The following COG5 variants were observed in gnomAD, a reference collection of about 807,000 sequenced individuals.
COG5 encodes conserved oligomeric Golgi complex subunit 5.
Under a neutral mutation model 110.4 loss-of-function variants are expected in COG5, and 86 were observed. The observed-to-expected ratio is 0.78, with a 90% CI of 0.65 to 0.93. The LOEUF (loss-of-function observed/expected upper bound fraction) is 0.93. Ranked by LOEUF, COG5 falls within the 40% of genes least tolerant of loss-of-function variation. The probability of loss-of-function intolerance (pLI) is 0.00; values close to 1 mark genes in which losing one functional copy is unlikely to be tolerated. For synonymous variants in COG5, 360 were observed against 334.6 expected (o/e 1.08, Z -0.83); for missense variants, 1,077 against 987.0 (o/e 1.09, Z -1.22).
Position 107,270,258 on chromosome 7 carries a change from CTT to C in COG5, c.1575+11040_1575+11041del, listed in dbSNP as rs10611550. On this transcript the variant is annotated intron_variant, in intron 14 of 21. Transcript: ENST00000297135. ...TTAGCAAAGATAGTACTCACACGTG[CTT>C]TTTTTTTTTTTTTTTCTGAGACAGG... 2.1e-3 allele frequency among the ~76,000 whole-genome samples: 289 copies of C among 138,322 alleles called. 4 individuals are homozygous for C. In the East Asian group the frequency reaches 0.029, roughly 14 times the overall value. The allele number at this position is 138,322 out of a possible 152,430, so 90.7% of individuals were successfully genotyped here. A position where few individuals can be genotyped will look rare whatever the true frequency, so the allele number is the denominator to read the frequency against.
chr7:107,417,279 A>T (rs1052938946), intron 6 of COG5, among the ~76,000 whole-genome samples: 2 of 152,142 alleles, frequency 1.3e-5, no homozygotes, highest in Admixed American at 6.5e-5. Context: ...ATTCTTTTTA[A>T]ATCTATCCTT....
intron 7 of COG5, among the ~76,000 whole-genome samples, chr7:107,390,877 G>A (rs7790080): frequency 0.2 from 29,689 of 151,106 alleles, 3,361 homozygotes; most frequent in East Asian, 0.33. Flanking sequence ...AGTCAGGATG[G>A]TGGGAAAAAT....
At chr7:107,295,184 T>C (rs1484407959) in intron 12 of COG5, among the ~76,000 whole-genome samples, 2 of 135,902 alleles carry the variant, frequency 1.5e-5, no homozygotes, top group African/African-American at 5.5e-5. Flanking sequence ...TGATCCACCC[T>C]CCTCAGCCTC....
chr7:107,407,767 C>A (rs1463906913), intron 7 of COG5, among the ~76,000 whole-genome samples: 1 of 151,792 alleles, frequency 6.6e-6, no homozygotes, highest in Non-Finnish European at 1.5e-5. Flanking sequence ...GTAAATTCGA[C>A]CAGTAACTGT....
chr7:107,349,092 A>G (rs1811896565), intron 10 of COG5, among the ~76,000 whole-genome samples: 1 of 152,198 alleles, frequency 6.6e-6, no homozygotes, highest in African/African-American at 2.4e-5. Flanking sequence ...ATAAAAGTAC[A>G]ACTTTTGCAT....
At chr7:107,382,662 C>T (rs901894654) in intron 7 of COG5, among the ~76,000 whole-genome samples, 1 of 152,076 alleles carries the variant, frequency 6.6e-6, no homozygotes, top group Non-Finnish European at 1.5e-5. Flanking sequence ...TTGTCTTGAA[C>T]TCCTGACCTC....
chr7:107,269,430 G>C (rs529173279), intron 14 of COG5, among the ~76,000 whole-genome samples: 4 of 150,730 alleles, frequency 2.7e-5, no homozygotes, highest in African/African-American at 9.8e-5. Context: ...AGCCGAGATC[G>C]TGCCACTGCA....
intron 6 of COG5, among the ~76,000 whole-genome samples, chr7:107,443,246 C>T (rs1187046466): frequency 7.2e-5 from 11 of 151,858 alleles, no homozygotes; most frequent in Non-Finnish European, 7.4e-5. Context: ...TGAAAGAGCC[C>T]GGCATAAAAG....
At chr7:107,457,800 T>C (rs927067654) in intron 6 of COG5, among the ~76,000 whole-genome samples, 2 of 152,018 alleles carry the variant, frequency 1.3e-5, no homozygotes, top group Admixed American at 6.6e-5. Context: ...GAAGAAACAA[T>C]GAAATAATTT....
chr7:107,307,564 T>C (rs1349220344), intron 11 of COG5, among the ~76,000 whole-genome samples: 4 of 152,216 alleles, frequency 2.6e-5, no homozygotes, highest in Admixed American at 2.6e-4. Context: ...TATCATTCTA[T>C]CATTTCACTC....
At chr7:107,299,857 A>ATATATG (rs1348470673) in intron 11 of COG5, among the ~76,000 whole-genome samples, 1 of 126,980 alleles carries the variant, frequency 7.9e-6, no homozygotes, top group Non-Finnish European at 1.7e-5. Context: ...ATATATATAT[A>ATATATG]TCTGGAATTA....
chr7:107,288,538 T>C (rs1036648152), intron 12 of COG5, among the ~76,000 whole-genome samples: 2 of 152,124 alleles, frequency 1.3e-5, no homozygotes, highest in East Asian at 1.9e-4. Flanking sequence ...CTGATTTGTA[T>C]TGTGGTTCTG....
chr7:107,346,630 TCTAA>T (rs1471866313), intron 10 of COG5, among the ~76,000 whole-genome samples: 2 of 152,176 alleles, frequency 1.3e-5, no homozygotes, highest in African/African-American at 2.4e-5. Flanking sequence ...CACACTTTCA[TCTAA>T]CTTCTACCCA....
intron 11 of COG5, among the ~76,000 whole-genome samples, chr7:107,323,876 G>A (rs545053286): frequency 2.6e-5 from 4 of 152,094 alleles, no homozygotes; most frequent in Admixed American, 6.6e-5. Flanking sequence ...AAACACACGC[G>A]TAAGATATTA....
intron 10 of COG5, 124 bp from the exon 11 acceptor site, chr7:107,324,645 C>T: frequency 1.7e-6 from 1 of 589,600 alleles, no homozygotes; most frequent in East Asian, 3.0e-5. Flanking sequence ...AGACATCTAA[C>T]CATCAAACAA....
intron 5 of COG5, among the ~76,000 whole-genome samples, chr7:107,529,191 G>A (rs1482295866): frequency 3.3e-5 from 5 of 152,014 alleles, no homozygotes; most frequent in South Asian, 2.1e-4. Context: ...AGTCACCCTC[G>A]TATCTCTGTC....
At chr7:107,258,029 CTTAA>C (rs1439647487) in intron 15 of COG5, among the ~76,000 whole-genome samples, 8 of 152,066 alleles carry the variant, frequency 5.3e-5, no homozygotes, top group Non-Finnish European at 1.2e-4. Context: ...GCTCAATAAA[CTTAA>C]TTAACTTGAG....
intron 19 of COG5, among the ~76,000 whole-genome samples, chr7:107,214,448 A>G (rs1030288360): frequency 6.6e-6 from 1 of 152,214 alleles, no homozygotes; most frequent in Non-Finnish European, 1.5e-5. Flanking sequence ...AGGCCTGCCT[A>G]TTGAAATTGC....
rs201875622 is a variant in COG5 at position 107,434,768 on chromosome 7, A to C, written c.539-22136T>G. On this transcript the variant is annotated intron_variant, in intron 6 of 21. Transcript: ENST00000297135. ...GGCGGATCACTAGGTCAGGAGATCA[A>C]GACCATCCTGGCTAACACAGTGAAA... Among the ~76,000 whole-genome samples the C allele has an allele frequency of 1.1e-4, 17 of 152,238 alleles. No individual in the cohort carries two copies. In the East Asian group the frequency reaches 3.1e-3, roughly 28 times the overall value.
Sources: gnomAD v4.1 joint callset for allele counts (sites outside exome capture counted in the v4.1 genomes callset) on GRCh38, gnomAD v4.1.1 for gene constraint, MANE v1.5 for transcripts, NCBI Gene and HGNC (gene_info 2026-07-23, HGNC 2026-07-21) for gene names.